USP6NL: variants seen among roughly 807,000 people sequenced by gnomAD.
USP6NL encodes USP6 N-terminal like.
A neutral mutation model predicts 61.9 loss-of-function variants in USP6NL; 26 were observed. The observed-to-expected ratio is 0.42, with a 90% CI of 0.31 to 0.58. The LOEUF (loss-of-function observed/expected upper bound fraction) is 0.58, where lower values mean the gene tolerates loss of function less well. Among genes scored for constraint, USP6NL ranks in the 20% least tolerant of loss-of-function variants. The pLI is 0.16. For missense variants in USP6NL, 1,114 were observed against 1,034.3 expected (o/e 1.08, Z -1.06); for synonymous variants, 432 against 390.1 (o/e 1.11, Z -1.27).
chr10:11,582,186 A>C (rs55989461), intron 2 of USP6NL, among the ~76,000 whole-genome samples: 14,743 of 152,220 alleles, frequency 0.097, 1,166 homozygotes, highest in East Asian at 0.43. Flanking sequence ...GGCTGGTGTC[A>C]AACTCCTGAC....
At position 11,525,144 on chromosome 10, in the gene USP6NL, AACTC is replaced by A. The variant is rs1265233448; in HGVS notation, c.155+238_155+241del. Among the ~76,000 whole-genome samples the A allele has an allele frequency of 7.2e-4, 110 of 152,340 alleles. No homozygotes were observed. Among genetic ancestry groups the A allele is most frequent in the African/African-American group, 2.5e-3 (105 of 41,584 alleles). On this transcript the variant is annotated intron_variant, in intron 4 of 14. Transcript: ENST00000609104. The surrounding 1 kb of genome is among the most constrained non-coding windows in gnomAD (Gnocchi z 5.0). Reference sequence around the variant, plus strand: ...TTTAACTCTGTTGATTTATTAATATAACTCACCTACTGCACTTAATGTTCTTACT... The same window carrying A: ...TTTAACTCTGTTGATTTATTAATATAACCTACTGCACTTAATGTTCTTACT...
chr10:11,601,239 T>C (rs1158226988), intron 1 of USP6NL, among the ~76,000 whole-genome samples: 9 of 152,176 alleles, frequency 5.9e-5, no homozygotes, highest in Admixed American at 5.9e-4. Context: ...TTATTATATA[T>C]ACTGTACACA....
In USP6NL at chr10:11,462,978, G is replaced by C. The variant is rs760324205; in HGVS notation, c.1950C>G (p.Asn650Lys). The change falls in exon 15 of 15, where the codon AAC becomes AAG. Residue 650 changes from asparagine (N) to lysine (K), a missense_variant. By Grantham distance (94) the Asn-to-Lys change is moderately conservative. Coordinates refer to ENST00000609104, the MANE Select transcript of USP6NL (RefSeq NM_014688.5). ...TAAACTGTGGAGAAGCAAAGCTGCT[G>C]TTGGCAGTAGGGAAGTGTTTGGGAG... ...GNSPKHFPTA[N>K]SSFASPQFSP... 2 of 1,613,832 alleles carry C rather than the reference G, an allele frequency of 1.2e-6. No homozygotes were observed. Among genetic ancestry groups the C allele is most frequent in the African/African-American group, 1.3e-5 (1 of 74,924 alleles).
intron 6 of USP6NL, among the ~76,000 whole-genome samples, chr10:11,503,445 G>A (rs1834301112): frequency 6.6e-6 from 1 of 152,106 alleles, no homozygotes; most frequent in Non-Finnish European, 1.5e-5. Context: ...TCAAATGGCT[G>A]TGATTACATT....
At position 11,489,477 on chromosome 10, in the gene USP6NL, A is replaced by G. The variant is rs1833620150; in HGVS notation, c.544-255T>C. On this transcript the variant is annotated intron_variant, in intron 9 of 14. Coordinates refer to ENST00000609104, the MANE Select transcript of USP6NL (RefSeq NM_014688.5). This position sits in a 1 kb window ranked among gnomAD's most constrained non-coding sequence, Gnocchi z 5.7. ...TGGACTCGGTCTTCAATACTGTCACACTTTCTTTAAAGAGTGATAATATTT... is the reference window on the plus strand; with the variant it reads ...TGGACTCGGTCTTCAATACTGTCACGCTTTCTTTAAAGAGTGATAATATTT... Among the ~76,000 whole-genome samples, 1 of 152,178 alleles carries G rather than the reference A, an allele frequency of 6.6e-6. No individual in the cohort carries two copies. The highest frequency in any genetic ancestry group is 2.1e-4 in the South Asian group (1 of 4,826).
At position 11,532,407 on chromosome 10, in the gene USP6NL, C is replaced by T; in HGVS notation, c.5-4840G>A. The T allele has an allele frequency of 1.9e-6, 1 of 537,116 alleles. No individual in the cohort carries two copies. The highest frequency in any genetic ancestry group is 3.2e-6 in the Non-Finnish European group (1 of 309,638). The allele number at this position is 537,116 out of a possible 1,614,324, so 33.3% of individuals were successfully genotyped here. On this transcript the variant is annotated intron_variant, in intron 2 of 14. Coordinates refer to ENST00000609104, the MANE Select transcript of USP6NL (RefSeq NM_014688.5). This position sits in a 1 kb window ranked among gnomAD's most constrained non-coding sequence, Gnocchi z 4.1. ...GCACAAGAAGAAAAAGTTTGAGATG[C>T]ACTCTGTCTTCTTCTAAGGGAGAAA...
At chr10:11,469,931 C>A (rs902850077) in intron 14 of USP6NL, among the ~76,000 whole-genome samples, 1 of 151,976 alleles carries the variant, frequency 6.6e-6, no homozygotes, top group Admixed American at 6.6e-5. Flanking sequence ...GCTAACGCTG[C>A]GATTATGCCA....
intron 7 of USP6NL, among the ~76,000 whole-genome samples, 162 bp from the exon 8 acceptor site, chr10:11,493,390 C>G (rs1488128393): frequency 2.0e-5 from 3 of 152,116 alleles, no homozygotes; most frequent in Non-Finnish European, 2.9e-5. Context: ...ACAATAGAAA[C>G]TTTCCCTCCC....
intron 14 of USP6NL, among the ~76,000 whole-genome samples, chr10:11,464,125 A>G (rs914645570): frequency 5.9e-5 from 9 of 152,240 alleles, no homozygotes; most frequent in Admixed American, 3.3e-4. Flanking sequence ...AGTGCCAGCA[A>G]GGAGGCGGTC....
At chr10:11,576,087 AG>A (rs201754124) in intron 2 of USP6NL, among the ~76,000 whole-genome samples, 1 of 151,788 alleles carries the variant, frequency 6.6e-6, no homozygotes. Context: ...CTAACACTTC[AG>A]GAAAAAAAAA....
intron 2 of USP6NL, among the ~76,000 whole-genome samples, chr10:11,578,615 A>C (rs1837636318): frequency 6.6e-6 from 1 of 152,158 alleles, no homozygotes; most frequent in Non-Finnish European, 1.5e-5. Flanking sequence ...ATCTCTAAAA[A>C]AAATAAATCA....
At chr10:11,604,230 A>T (rs1219515470) in intron 1 of USP6NL, among the ~76,000 whole-genome samples, 1 of 152,248 alleles carries the variant, frequency 6.6e-6, no homozygotes, top group Non-Finnish European at 1.5e-5. Flanking sequence ...AAACTGAAAC[A>T]TAATTTTTAA....
chr10:11,512,440 G>A (rs1237440804), intron 5 of USP6NL, among the ~76,000 whole-genome samples: 6 of 152,032 alleles, frequency 3.9e-5, no homozygotes, highest in Non-Finnish European at 7.4e-5. Flanking sequence ...CTCCCTGCTG[G>A]GATCCTTGTC....
intron 2 of USP6NL, among the ~76,000 whole-genome samples, chr10:11,578,576 C>T (rs1837634784): frequency 6.6e-6 from 1 of 152,102 alleles, no homozygotes; most frequent in Admixed American, 6.5e-5. Flanking sequence ...TGCACTCCAC[C>T]TCTAGCCTGG....
intron 2 of USP6NL, among the ~76,000 whole-genome samples, chr10:11,559,666 A>G (rs1262680252): frequency 1.3e-5 from 2 of 152,222 alleles, no homozygotes; most frequent in South Asian, 4.1e-4. Flanking sequence ...TTAAACAATC[A>G]CAAAGTACAA....
Position 11,463,982 on chromosome 10 carries a change from C to T in USP6NL, c.1079-133G>A. 1.1e-6 allele frequency: 1 copy of T among 875,066 alleles called. No homozygotes were observed. Among genetic ancestry groups the T allele is most frequent in the Non-Finnish European group, 1.7e-6 (1 of 583,592 alleles). 54.2% of individuals were successfully genotyped at this position (875,066 alleles called of 1,614,324 possible). On this transcript the variant is annotated intron_variant, in intron 14 of 14. Coordinates refer to ENST00000609104, the MANE Select transcript of USP6NL (RefSeq NM_014688.5). This position sits in a 1 kb window ranked among gnomAD's most constrained non-coding sequence, Gnocchi z 6.3. ...CGCTGACATACAACACACTGTCATACAACACACTGTTTATACCACTTACAC... is the reference window on the plus strand; with the variant it reads ...CGCTGACATACAACACACTGTCATATAACACACTGTTTATACCACTTACAC...
rs757302959 is a variant in USP6NL at position 11,463,239 on chromosome 10, A to C, written c.1689T>G (p.Ala563=). The C allele has an allele frequency of 1.9e-6, 3 of 1,613,534 alleles. No individual in the cohort carries two copies. The highest frequency in any genetic ancestry group is 2.5e-6 in the Non-Finnish European group (3 of 1,179,862). Residue 563 remains alanine (A), a synonymous_variant, in exon 15 of 15, where the codon GCT becomes GCG. Coordinates refer to ENST00000609104, the MANE Select transcript of USP6NL (RefSeq NM_014688.5). This position sits in a 1 kb window ranked among gnomAD's most constrained non-coding sequence, Gnocchi z 6.3. ...NVPGPELDSG[A]SVEEALERAY... is the part of the protein sequence containing the mutation. ...CCCTTTCCAGCGCCTCCTCCACGGA[A>C]GCGCCGCTGTCCAGCTCCGGGCCTG...
intron 2 of USP6NL, among the ~76,000 whole-genome samples, chr10:11,536,882 T>A (rs1835856443): frequency 6.6e-6 from 1 of 152,214 alleles, no homozygotes; most frequent in Non-Finnish European, 1.5e-5. Context: ...CTTCCTTTCC[T>A]CTTTCTTATG....
rs150853998 is a variant in USP6NL at position 11,552,627 on chromosome 10, A to G, written c.5-25060T>C. 6.8e-4 allele frequency among the ~76,000 whole-genome samples: 104 copies of G among 152,362 alleles called. No individual in the cohort carries two copies. The East Asian group carries it at 0.018, about 27-fold the overall frequency. On this transcript the variant is annotated intron_variant, in intron 2 of 14. Coordinates refer to ENST00000609104, the MANE Select transcript of USP6NL (RefSeq NM_014688.5). ...GGAATAAGATCAAGGAAACTCTTTT[A>G]TATTGGTGTAACACAATTCACATTA... is the stretch of plus-strand genomic sequence containing the variant.
Sources: gnomAD v4.1 joint callset for allele counts (sites outside exome capture counted in the v4.1 genomes callset) on GRCh38, gnomAD v4.1.1 for gene constraint, Gnocchi (gnomAD v3.1) non-coding constraint, MANE v1.5 for transcripts, NCBI Gene and HGNC (gene_info 2026-07-23, HGNC 2026-07-21) for gene names.